MELTF: variants seen among roughly 807,000 people sequenced by gnomAD.
MELTF encodes antigen p97 (melanoma associated) identified by monoclonal antibodies 133.2 and 96.5.
MELTF carries 67 observed loss-of-function variants against 83.7 expected under a neutral mutation model. The ratio of observed to expected loss-of-function variants is 0.80; its 90% CI spans 0.66 to 0.98. MELTF has a LOEUF of 0.98. MELTF is among the 50% of genes least tolerant of loss of function. The pLI, the probability that MELTF is intolerant of heterozygous loss-of-function variation, is 0.00. For synonymous variants in MELTF, 462 were observed against 447.6 expected (o/e 1.03, Z -0.41); for missense variants, 1,002 against 1,035.6 (o/e 0.97, Z 0.44).
chr3:197,021,333 T>G (rs1719614029), intron 6 of MELTF, 71 bp downstream of exon 6: 2 of 1,495,062 alleles, frequency 1.3e-6, no homozygotes, highest in South Asian at 2.3e-5. Context: ...CTCTGCCATC[T>G]AGGGTCCCTG....
chr3:197,026,368 G>A, intron 3 of MELTF: 2 of 406,470 alleles, frequency 4.9e-6, no homozygotes, highest in South Asian at 3.4e-5. Context: ...ACAGCACCGT[G>A]CCCGGCACCA....
intron 3 of MELTF, 95 bp downstream of exon 3, chr3:197,026,565 G>A: frequency 9.1e-7 from 1 of 1,093,254 alleles, no homozygotes; most frequent in Non-Finnish European, 1.4e-6. Context: ...TGTGGACAGG[G>A]CTGATGGCCA....
chr3:197,015,027 C>T (rs1208434505), intron 9 of MELTF, among the ~76,000 whole-genome samples: 1 of 152,230 alleles, frequency 6.6e-6, no homozygotes, highest in Non-Finnish European at 1.5e-5. Context: ...AGGGGCTTGC[C>T]CCAGGCTACA....
rs1392224164 is a variant in MELTF, at chr3:197,029,556, C to T, written c.49+98G>A. ...CTCCCCCGTCTCACTGCCCCGGAGC[C>T]GCAGGCTCAGGCACATTTCCAGCCC... On this transcript the variant is annotated intron_variant, in intron 1 of 15. Transcript: ENST00000296350. The surrounding 1 kb of genome is among the most constrained non-coding windows in gnomAD (Gnocchi z 6.5). 2.3e-5 allele frequency: 24 copies of T among 1,032,644 alleles called. No individual in the cohort carries two copies. In the East Asian group the frequency reaches 6.5e-4, roughly 28 times the overall value. The allele number at this position is 1,032,644 out of a possible 1,614,324, so 64.0% of individuals were successfully genotyped here.
At chr3:197,016,976 C>T (rs754300223) in intron 7 of MELTF, 127 bp downstream of exon 7, 41 of 1,089,222 alleles carry the variant, frequency 3.8e-5, no homozygotes, top group Non-Finnish European at 4.3e-5. Context: ...TGACCTGGCC[C>T]GATGCTGGGG....
rs556918676 is a variant in MELTF at position 197,011,543 on chromosome 3, C to T, written c.1234-749G>A. On this transcript the variant is annotated intron_variant, in intron 9 of 15. Coordinates refer to ENST00000296350, the MANE Select transcript of MELTF (RefSeq NM_005929.6). This position sits in a 1 kb window ranked among gnomAD's most constrained non-coding sequence, Gnocchi z 4.2. ...ACCTGTGCCCCAGGAAGGTGTCCCA[C>T]GCCATTCCTGAAGAGGCATGAAGTG... is the stretch of plus-strand genomic sequence containing the variant. Among the ~76,000 whole-genome samples, 4 of 152,280 alleles carry T rather than the reference C, an allele frequency of 2.6e-5. No individual in the cohort carries two copies. Among genetic ancestry groups the T allele is most frequent in the Admixed American group, 6.5e-5 (1 of 15,304 alleles).
At position 197,018,854 on chromosome 3, in the gene MELTF, G is replaced by A. The variant is rs1015775714; in HGVS notation, c.713-1564C>T. On this transcript the variant is annotated intron_variant, in intron 6 of 15. Transcript: ENST00000296350. ...TTGGAAACTTTCCATAAGTTCATTTGTTTCTCGATAGAAAAGAAAATTTGC... is the reference window on the plus strand; with the variant it reads ...TTGGAAACTTTCCATAAGTTCATTTATTTCTCGATAGAAAAGAAAATTTGC... 6 of 846,786 alleles carry A rather than the reference G, an allele frequency of 7.1e-6. No individual in the cohort carries two copies. The Admixed American group carries it at 3.7e-4, about 53-fold the overall frequency. The allele number at this position is 846,786 out of a possible 1,614,324, so 52.5% of individuals were successfully genotyped here.
In MELTF at chr3:197,009,727, GC is replaced by G; in HGVS notation, c.1415del (p.Gly472AlafsTer39). The G allele has an allele frequency of 6.2e-7, 1 of 1,613,584 alleles. No homozygotes were observed. The highest frequency in any genetic ancestry group is 8.5e-7 in the Non-Finnish European group (1 of 1,180,018). On this transcript the variant is annotated frameshift_variant, in exon 11 of 16. Coordinates refer to ENST00000296350, the MANE Select transcript of MELTF (RefSeq NM_005929.6). LOFTEE classifies it high-confidence loss of function. The stretch of plus-strand genomic sequence containing the variant: ...CGAAACCGGCGTGGCAGGAGCGCTT[GC>G]CCCGAAGCTCATCCAAGGTGAAGGC... ...SHAFTLDELR[G>X]KRSCHAGFGS...
At chr3:197,023,883 G>C (rs1719734142) in intron 4 of MELTF, 1 of 460,962 alleles carries the variant, frequency 2.2e-6, no homozygotes, top group African/African-American at 2.0e-5. Flanking sequence ...GGAGCTTTCT[G>C]GGTGCAAGTC....
At chr3:197,026,566 C>T in intron 3 of MELTF, 94 bp downstream of exon 3, 1 of 1,113,424 alleles carries the variant, frequency 9.0e-7, no homozygotes, top group East Asian at 2.4e-5. Context: ...GTGGACAGGG[C>T]TGATGGCCAG....
chr3:197,018,153 C>T (rs73208234), intron 6 of MELTF, among the ~76,000 whole-genome samples: 4 of 151,970 alleles, frequency 2.6e-5, no homozygotes, highest in East Asian at 3.9e-4. Context: ...CCTCACCCCC[C>T]CTTTTTCTTT....
At chr3:197,026,582 G>T in intron 3 of MELTF, 78 bp downstream of exon 3, 3 of 1,324,846 alleles carry the variant, frequency 2.3e-6, no homozygotes, top group African/African-American at 2.9e-5. Flanking sequence ...GCCAGCTCAG[G>T]CCAGGCCCAG....
rs933032777 is a variant in MELTF at position 197,017,165 on chromosome 3, C to T, written c.838G>A (p.Ala280Thr). The T allele has an allele frequency of 6.2e-6, 10 of 1,611,032 alleles. No homozygotes were observed. Among genetic ancestry groups the T allele is most frequent in the East Asian group, 2.2e-5 (1 of 44,764 alleles). ...TCTGTGTCGGCCCGGACCACCACGG[C>T]GTGAGCAGGCACCCGGGCCAGATGG... is the stretch of plus-strand genomic sequence containing the variant. ...QCHLARVPAH[A>T]VVVRADTDGG... is the part of the protein sequence containing the mutation. Residue 280 changes from alanine (A) to threonine (T), a missense_variant, in exon 7 of 16, where the codon GCC becomes ACC. By Grantham distance (58) the Ala-to-Thr change is moderately conservative. Transcript: ENST00000296350.
In MELTF at chr3:197,008,786, A is replaced by G. The variant is rs767295905; in HGVS notation, c.1682+23T>C. Reference sequence around the variant, plus strand: ...GGTCCCAGCCTCTGCACACAGCCCCAGACTGCCAGGCCACCCGGGTACCTG... The same window carrying G: ...GGTCCCAGCCTCTGCACACAGCCCCGGACTGCCAGGCCACCCGGGTACCTG... On this transcript the variant is annotated intron_variant, in intron 12 of 15. Transcript: ENST00000296350. The surrounding 1 kb of genome is among the most constrained non-coding windows in gnomAD (Gnocchi z 5.4). 3.1e-6 allele frequency: 5 copies of G among 1,613,842 alleles called. No individual in the cohort carries two copies. In the African/African-American group the frequency reaches 6.7e-5, roughly 22 times the overall value.
At position 197,029,478 on chromosome 3, in the gene MELTF, T is replaced by G. The variant is rs1228897638; in HGVS notation, c.49+176A>C. On this transcript the variant is annotated intron_variant, in intron 1 of 15. Transcript: ENST00000296350. The surrounding 1 kb of genome is among the most constrained non-coding windows in gnomAD (Gnocchi z 6.5). Reference sequence around the variant, plus strand: ...AAGAAGCCTTCCAGACTTCCCCGTCTGCGCTTCAGTGCTAGTTCCCTCCGC... The same window carrying G: ...AAGAAGCCTTCCAGACTTCCCCGTCGGCGCTTCAGTGCTAGTTCCCTCCGC... Among the ~76,000 whole-genome samples, 1 of 152,100 alleles carries G rather than the reference T, an allele frequency of 6.6e-6. No homozygotes were observed. The highest frequency in any genetic ancestry group is 1.5e-5 in the Non-Finnish European group (1 of 68,000).
At position 197,017,133 on chromosome 3, in the gene MELTF, G is replaced by GC. The variant is rs1302264554; in HGVS notation, c.869dup (p.Leu291ProfsTer26). The GC allele has an allele frequency of 2.5e-6, 4 of 1,612,392 alleles. No homozygotes were observed. Among genetic ancestry groups the GC allele is most frequent in the South Asian group, 2.2e-5 (2 of 90,446 alleles). ...CTTCGTTGAGCAGCCGGAAGATGAG[G>GC]CCCCCATCTGTGTCGGCCCGGACCA... On this transcript the variant is annotated frameshift_variant, in exon 7 of 16. Coordinates refer to ENST00000296350, the MANE Select transcript of MELTF (RefSeq NM_005929.6). LOFTEE classifies it high-confidence loss of function.
chr3:197,017,309 G>A lies in MELTF; in HGVS notation c.713-19C>T, dbSNP rs752384389. The A allele has an allele frequency of 3.3e-6, 5 of 1,509,446 alleles. No homozygotes were observed. The highest frequency in any genetic ancestry group is 2.7e-6 in the Non-Finnish European group (3 of 1,125,424). The allele number at this position is 1,509,446 out of a possible 1,614,324, so 93.5% of individuals were successfully genotyped here. On this transcript the variant is annotated intron_variant, in intron 6 of 15. Transcript: ENST00000296350. ...GTCTTCCCTGGGAAGCAGGAAGCCTGGGCTGAGCCAGCTCCGAAAGGGGTT... is the reference window on the plus strand; with the variant it reads ...GTCTTCCCTGGGAAGCAGGAAGCCTAGGCTGAGCCAGCTCCGAAAGGGGTT...
At chr3:197,005,658 G>A (rs901477449) in intron 14 of MELTF, among the ~76,000 whole-genome samples, 4 of 152,234 alleles carry the variant, frequency 2.6e-5, no homozygotes, top group African/African-American at 9.6e-5. Context: ...GGTGTTTCCA[G>A]GAGGAGGGAG....
chr3:197,019,090 G>A (rs751238696), intron 6 of MELTF: 4 of 985,632 alleles, frequency 4.1e-6, no homozygotes, highest in Non-Finnish European at 3.6e-6. Context: ...CCAAACACCC[G>A]CACCAGAGTG....
Sources: gnomAD v4.1 joint callset for allele counts (sites outside exome capture counted in the v4.1 genomes callset) on GRCh38, gnomAD v4.1.1 for gene constraint, Gnocchi (gnomAD v3.1) non-coding constraint, MANE v1.5 for transcripts, NCBI Gene and HGNC (gene_info 2026-07-23, HGNC 2026-07-21) for gene names.